GPC5: variants seen among roughly 807,000 people sequenced by gnomAD.
GPC5 encodes glypican 5.
A neutral mutation model predicts 53.9 loss-of-function variants in GPC5; 47 were observed. The ratio of observed to expected loss-of-function variants is 0.87; its 90% CI spans 0.69 to 1.11. The LOEUF is 1.11. GPC5 is among the 50% of genes most tolerant of loss of function. The pLI is 0.00. For missense variants in GPC5, 748 were observed against 713.1 expected (o/e 1.05, Z -0.56); for synonymous variants, 286 against 263.3 (o/e 1.09, Z -0.84).
At chr13:92,470,329 T>C (rs1878859562) in intron 7 of GPC5, among the ~76,000 whole-genome samples, 1 of 152,174 alleles carries the variant, frequency 6.6e-6, no homozygotes, top group Non-Finnish European at 1.5e-5. Flanking sequence ...ACTTGTATTT[T>C]ATAACATAAT....
rs1015729056 is a variant in GPC5, at chr13:92,782,253, C to A, written c.1562-84029C>A. On this transcript the variant is annotated intron_variant, in intron 7 of 7. Transcript: ENST00000377067. ...TCTACTTTACATTCTTCCATAAAGC[C>A]TTACCAAATCTCCTTCTTGTGTCCT... Among the ~76,000 whole-genome samples the A allele has an allele frequency of 2.0e-5, 3 of 152,232 alleles. No homozygotes were observed. The South Asian group carries it at 6.2e-4, about 32-fold the overall frequency.
chr13:92,658,917 A>ATTTTT (rs1886228768), intron 7 of GPC5: 1 of 119,922 alleles, frequency 8.3e-6, no homozygotes, highest in African/African-American at 3.1e-5. Context: ...AAAGTTGTAT[A>ATTTTT]TGTTTTGTTT....
rs1020046929 is a variant in GPC5, at chr13:92,520,581, C to T, written c.1562-345701C>T. ...AAAGGCCTTTGACAAAATTCAACAG[C>T]CCTTCATGCTAAAAACTCTCAATAA... is the stretch of plus-strand genomic sequence containing the variant. On this transcript the variant is annotated intron_variant, in intron 7 of 7. Transcript: ENST00000377067. 2.0e-5 allele frequency among the ~76,000 whole-genome samples: 3 copies of T among 152,222 alleles called. No homozygotes were observed. In the East Asian group the frequency reaches 5.8e-4, roughly 29 times the overall value.
rs192776687 is a variant in GPC5 at position 92,780,512 on chromosome 13, G to A, written c.1562-85770G>A. Among the ~76,000 whole-genome samples, 264 of 151,904 alleles carry A rather than the reference G, an allele frequency of 1.7e-3. 3 individuals carry two copies. The highest frequency in any genetic ancestry group is 1.7e-3 in the Non-Finnish European group (118 of 67,892). On this transcript the variant is annotated intron_variant, in intron 7 of 7. Coordinates refer to ENST00000377067, the MANE Select transcript of GPC5 (RefSeq NM_004466.6). The stretch of plus-strand genomic sequence containing the variant: ...TCTAGTTTACTTTCTGAGACTTTGC[G>A]TATAGACAGTTAATAAAAAACAGTA...
At chr13:92,683,650 T>G (rs1887170984) in intron 7 of GPC5, among the ~76,000 whole-genome samples, 1 of 152,232 alleles carries the variant, frequency 6.6e-6, no homozygotes, top group South Asian at 2.1e-4. Flanking sequence ...ATTTCAGTGT[T>G]GTTATTCAAA....
intron 5 of GPC5, among the ~76,000 whole-genome samples, chr13:91,826,706 A>C (rs2038581320): frequency 6.6e-6 from 1 of 152,096 alleles, no homozygotes; most frequent in South Asian, 2.1e-4. Flanking sequence ...TAGATCACTA[A>C]AGCAAAAGAG....
intron 5 of GPC5, among the ~76,000 whole-genome samples, chr13:91,817,800 C>A (rs777127537): frequency 9.9e-5 from 15 of 152,138 alleles, no homozygotes; most frequent in Non-Finnish European, 1.9e-4. Context: ...GCAATCTCCC[C>A]ATTCTTTCAA....
At chr13:92,576,020 A>T (rs1883179259) in intron 7 of GPC5, among the ~76,000 whole-genome samples, 1 of 152,148 alleles carries the variant, frequency 6.6e-6, no homozygotes, top group African/African-American at 2.4e-5. Context: ...AATGGCCCCC[A>T]TGCCATCTCA....
At chr13:91,706,542 A>G (rs144481871) in intron 3 of GPC5, among the ~76,000 whole-genome samples, 2,596 of 152,264 alleles carry the variant, frequency 0.017, 36 homozygotes, top group Non-Finnish European at 0.03. Flanking sequence ...TTTTAGAGTC[A>G]TATTTTTAAT....
At chr13:92,806,002 T>C (rs777004807) in intron 7 of GPC5, among the ~76,000 whole-genome samples, 4 of 152,044 alleles carry the variant, frequency 2.6e-5, no homozygotes, top group Non-Finnish European at 4.4e-5. Context: ...TCTCCAGCTC[T>C]CTAGCTTTCA....
At chr13:92,642,747 GTTA>G (rs1264111669) in intron 7 of GPC5, among the ~76,000 whole-genome samples, 2 of 152,152 alleles carry the variant, frequency 1.3e-5, no homozygotes, top group African/African-American at 4.8e-5. Flanking sequence ...ATATGTTATT[GTTA>G]TTGTTGTTGT....
At chr13:92,218,979 C>G (rs141662741) in intron 7 of GPC5, among the ~76,000 whole-genome samples, 2 of 152,246 alleles carry the variant, frequency 1.3e-5, no homozygotes, top group African/African-American at 4.8e-5. Context: ...TCAGGCCCAA[C>G]GTTAAAGGAA....
intron 1 of GPC5, among the ~76,000 whole-genome samples, chr13:91,410,368 CCAA>C: frequency 9.7e-6 from 1 of 103,156 alleles, no homozygotes; most frequent in African/African-American, 3.6e-5. Context: ...TTTTTTGAGA[CCAA>C]GTCTCTCTCT....
At chr13:91,539,483 C>T (rs2029865378) in intron 2 of GPC5, among the ~76,000 whole-genome samples, 1 of 152,090 alleles carries the variant, frequency 6.6e-6, no homozygotes, top group Non-Finnish European at 1.5e-5. Context: ...AGCTGTAGGC[C>T]TAAAATCTGC....
intron 6 of GPC5, among the ~76,000 whole-genome samples, chr13:92,095,424 T>G (rs1203020628): frequency 6.6e-6 from 1 of 152,172 alleles, no homozygotes; most frequent in African/African-American, 2.4e-5. Context: ...CTTGGCTCAC[T>G]GCAACCTCCG....
chr13:92,735,080 A>G (rs1396689338), intron 7 of GPC5, among the ~76,000 whole-genome samples: 1 of 151,992 alleles, frequency 6.6e-6, no homozygotes, highest in African/African-American at 2.4e-5. Flanking sequence ...TCTTAACTAC[A>G]TATTGCCAAC....
chr13:92,285,591 T>A (rs556209292), intron 7 of GPC5, among the ~76,000 whole-genome samples: 3 of 152,100 alleles, frequency 2.0e-5, no homozygotes, highest in African/African-American at 7.2e-5. Flanking sequence ...ATACCACACA[T>A]CTACAACCAT....
chr13:92,467,278 T>A (rs998991627), intron 7 of GPC5, among the ~76,000 whole-genome samples: 1 of 152,090 alleles, frequency 6.6e-6, no homozygotes, highest in Non-Finnish European at 1.5e-5. Context: ...AGGGAAAGGA[T>A]AATGGGCAGA....
intron 7 of GPC5, among the ~76,000 whole-genome samples, chr13:92,317,490 T>A (rs2043187282): frequency 6.6e-6 from 1 of 152,046 alleles, no homozygotes. Context: ...TTTTGTTTTT[T>A]GTTTTGTTTT....
Sources: gnomAD v4.1 joint callset for allele counts (sites outside exome capture counted in the v4.1 genomes callset) on GRCh38, gnomAD v4.1.1 for gene constraint, MANE v1.5 for transcripts, NCBI Gene and HGNC (gene_info 2026-07-23, HGNC 2026-07-21) for gene names.